Variants in DLGAP2 observed in about 807,000 individuals in gnomAD.
DLGAP2 encodes disks large-associated protein 2.
In DLGAP2, 26 loss-of-function variants were observed where a neutral mutation model predicts 100.3. The observed-to-expected ratio is 0.26, with a 90% CI of 0.19 to 0.36. The LOEUF (loss-of-function observed/expected upper bound fraction) is 0.36. Among genes scored for constraint, DLGAP2 ranks in the 10% least tolerant of loss-of-function variants. The pLI, the probability that DLGAP2 is intolerant of heterozygous loss-of-function variation, is 1.00. For missense variants in DLGAP2, 1,858 were observed against 1,453.2 expected, an observed-to-expected ratio of 1.28 and a Z score of -4.53; for synonymous variants, 886 against 630.1, an observed-to-expected ratio of 1.41 and a Z score of -6.08.
intron 3 of DLGAP2, among the ~76,000 whole-genome samples, chr8:1,308,314 G>T (rs6558443): frequency 6.6e-6 from 1 of 151,988 alleles, no homozygotes; most frequent in Admixed American, 6.5e-5. Context: ...GACTGCACAC[G>T]GCAAATAATA....
intron 2 of DLGAP2, among the ~76,000 whole-genome samples, chr8:1,049,448 C>G (rs1038034403): frequency 1.3e-5 from 2 of 152,104 alleles, no homozygotes; most frequent in African/African-American, 4.8e-5. Flanking sequence ...TTTCTAAACA[C>G]CCTGCTTAAC....
At chr8:920,872 C>T (rs532528043) in intron 2 of DLGAP2, among the ~76,000 whole-genome samples, 4 of 152,284 alleles carry the variant, frequency 2.6e-5, no homozygotes, top group South Asian at 2.1e-4. Flanking sequence ...GGATGAGGGC[C>T]GGGTTTACTG....
At chr8:868,011 C>T (rs1330424262) in intron 1 of DLGAP2, among the ~76,000 whole-genome samples, 2 of 152,176 alleles carry the variant, frequency 1.3e-5, no homozygotes, top group Admixed American at 6.5e-5. Flanking sequence ...TGGCTTCATC[C>T]ATCATGCATC....
intron 4 of DLGAP2, among the ~76,000 whole-genome samples, chr8:1,503,997 A>G (rs1416568573): frequency 6.6e-6 from 1 of 152,322 alleles, no homozygotes; most frequent in East Asian, 1.9e-4. Flanking sequence ...AGATTTGTGC[A>G]GAAGTGCACC....
At chr8:1,064,554 AGTT>A (rs1403967096) in intron 2 of DLGAP2, among the ~76,000 whole-genome samples, 1 of 152,240 alleles carries the variant, frequency 6.6e-6, no homozygotes. Flanking sequence ...AACCACCTGC[AGTT>A]GTTGTTTTCT....
chr8:1,155,654 C>G (rs1329604520), intron 2 of DLGAP2, among the ~76,000 whole-genome samples: 1 of 152,088 alleles, frequency 6.6e-6, no homozygotes, highest in South Asian at 2.1e-4. Flanking sequence ...TTTCCGGACT[C>G]CGAGACCCCC....
chr8:1,187,926 A>G (rs1169811482), intron 2 of DLGAP2, among the ~76,000 whole-genome samples: 1 of 123,146 alleles, frequency 8.1e-6, no homozygotes, highest in Non-Finnish European at 1.6e-5. Context: ...GCCTCACGGA[A>G]TCTTGCACGC....
intron 2 of DLGAP2, among the ~76,000 whole-genome samples, chr8:958,612 C>T (rs956867383): frequency 1.0e-4 from 15 of 150,676 alleles, no homozygotes; most frequent in Non-Finnish European, 1.8e-4. Flanking sequence ...AAACTTTTCC[C>T]GGGGATGTTA....
At chr8:1,091,425 C>G (rs974757986) in intron 2 of DLGAP2, among the ~76,000 whole-genome samples, 2 of 152,224 alleles carry the variant, frequency 1.3e-5, no homozygotes, top group African/African-American at 4.8e-5. Context: ...TAGTAAGACG[C>G]TAACTATTAA....
chr8:868,198 GTT>G (rs1379893757), intron 1 of DLGAP2, among the ~76,000 whole-genome samples: 1 of 152,186 alleles, frequency 6.6e-6, no homozygotes, highest in Non-Finnish European at 1.5e-5. Flanking sequence ...GAAGAAGATT[GTT>G]TTTTATTCTG....
chr8:1,636,279 A>G (rs1365540267), intron 8 of DLGAP2, among the ~76,000 whole-genome samples: 1 of 152,242 alleles, frequency 6.6e-6, no homozygotes, highest in Non-Finnish European at 1.5e-5. Flanking sequence ...TTTTCTCAAC[A>G]TATGATACAA....
chr8:1,537,123 G>T (rs1370108010), intron 4 of DLGAP2, among the ~76,000 whole-genome samples: 1 of 152,090 alleles, frequency 6.6e-6, no homozygotes, highest in Non-Finnish European at 1.5e-5. Context: ...GTATGTGGTA[G>T]ACCCCTGCAG....
intron 3 of DLGAP2, among the ~76,000 whole-genome samples, chr8:1,337,415 TGAG>T (rs370000015): frequency 1.4e-5 from 2 of 142,244 alleles, no homozygotes; most frequent in African/African-American, 2.9e-5. Context: ...ATGGTGATGG[TGAG>T]GATGATGGTG....
chr8:887,736 G>T (rs1024458874), intron 1 of DLGAP2, among the ~76,000 whole-genome samples: 1 of 152,072 alleles, frequency 6.6e-6, no homozygotes, highest in East Asian at 1.9e-4. Context: ...TTCTGCTGGA[G>T]GTCTGCTGTT....
chr8:1,081,098 C>T (rs1803793004), intron 2 of DLGAP2, among the ~76,000 whole-genome samples: 1 of 151,922 alleles, frequency 6.6e-6, no homozygotes, highest in Non-Finnish European at 1.5e-5. Context: ...TAATTTGTTC[C>T]ATCATTTTTT....
chr8:1,359,538 A>C (rs1037690567), intron 3 of DLGAP2, among the ~76,000 whole-genome samples: 6 of 152,206 alleles, frequency 3.9e-5, no homozygotes, highest in African/African-American at 1.4e-4. Flanking sequence ...GGACCACCCG[A>C]AGGCCTGGAG....
intron 2 of DLGAP2, among the ~76,000 whole-genome samples, chr8:1,189,482 C>T (rs948253495): frequency 2.0e-5 from 3 of 152,092 alleles, no homozygotes; most frequent in African/African-American, 7.2e-5. Flanking sequence ...TTCTTTTATC[C>T]ACTCAAGCAA....
intron 3 of DLGAP2, among the ~76,000 whole-genome samples, chr8:1,387,877 TG>T (rs1415977977): frequency 6.6e-6 from 1 of 152,218 alleles, no homozygotes; most frequent in Non-Finnish European, 1.5e-5. Context: ...TTGATGGCGC[TG>T]GAAGCCGAGA....
At chr8:1,427,231 G>A (rs1797260823) in intron 3 of DLGAP2, among the ~76,000 whole-genome samples, 1 of 152,140 alleles carries the variant, frequency 6.6e-6, no homozygotes, top group South Asian at 2.1e-4. Flanking sequence ...ATAGATTTCA[G>A]TATATTTTCT....
Sources: allele counts gnomAD v4.1 joint callset (sites outside exome capture counted in the v4.1 genomes callset), GRCh38; gene constraint gnomAD v4.1.1; transcripts MANE v1.5; gene names NCBI Gene and HGNC (gene_info 2026-07-23, HGNC 2026-07-21).